Variants in EPB41L4B observed in about 807,000 individuals in gnomAD.
The protein encoded by EPB41L4B is erythrocyte membrane protein band 4.1 like 4B, also known as band 4.1-like protein 4B.
EPB41L4B carries 30 observed loss-of-function variants against 112.5 expected under a neutral mutation model. That is an observed-to-expected ratio of 0.27 (90% CI 0.20 to 0.36). The LOEUF is 0.36. Among genes scored for constraint, EPB41L4B ranks in the 10% least tolerant of loss-of-function variants. The probability of loss-of-function intolerance (pLI) is 1.00; values close to 1 mark genes in which losing one functional copy is unlikely to be tolerated. For synonymous variants in EPB41L4B, 408 were observed against 439.7 expected, an observed-to-expected ratio of 0.93 and a Z score of 0.90; for missense variants, 1,024 against 1,133.3, an observed-to-expected ratio of 0.90 and a Z score of 1.38.
rs752403352 is a variant in EPB41L4B at position 109,321,008 on chromosome 9, A to AGCCGCCGCC, written c.-571_-563dup. On this transcript the variant is annotated 5_prime_UTR_variant, in exon 1 of 26. Transcript: ENST00000374566. ...CTCCCACCTGGGAGGCTGCACCTCC[A>AGCCGCCGCC]GCCGCCGCCGCCGCCGCCGCCGCCG... The AGCCGCCGCC allele has an allele frequency of 1.4e-3, 257 of 181,300 alleles. 6 individuals carry two copies. Among genetic ancestry groups the AGCCGCCGCC allele is most frequent in the Middle Eastern group, 0.011 (4 of 378 alleles). 11.2% of individuals were successfully genotyped at this position (181,300 alleles called of 1,614,324 possible).
rs202244963 is a variant in EPB41L4B at position 109,255,490 on chromosome 9, G to A, written c.1169+21C>T. ...CCCTCCTTCAGAAGACGTGATCCGT[G>A]TTGCAGAAATGGCTCCCTACCTGAA... On this transcript the variant is annotated intron_variant, in intron 11 of 25. Coordinates refer to ENST00000374566, the MANE Select transcript of EPB41L4B (RefSeq NM_019114.5). The A allele has an allele frequency of 1.6e-5, 25 of 1,611,784 alleles. No homozygotes were observed. The East Asian group carries it at 4.9e-4, about 32-fold the overall frequency.
intron 1 of EPB41L4B, among the ~76,000 whole-genome samples, chr9:109,281,646 C>T (rs955211205): frequency 2.0e-5 from 3 of 151,950 alleles, no homozygotes; most frequent in Non-Finnish European, 4.4e-5. Context: ...GATTGTGCCA[C>T]TGCACTCAGC....
chr9:109,264,421 G>A (rs759806404), intron 5 of EPB41L4B, among the ~76,000 whole-genome samples: 31 of 152,134 alleles, frequency 2.0e-4, no homozygotes, highest in Non-Finnish European at 3.7e-4. Flanking sequence ...TTATCTTTAC[G>A]GTAAATTAAG....
chr9:109,318,180 T>C (rs931260491), intron 1 of EPB41L4B, among the ~76,000 whole-genome samples: 1 of 140,032 alleles, frequency 7.1e-6, no homozygotes, highest in Admixed American at 7.3e-5. Context: ...TGTGTGTGTG[T>C]GCACGCGCAT....
At position 109,281,726 on chromosome 9, in the gene EPB41L4B, T is replaced by TAAATA. The variant is rs1564317273; in HGVS notation, c.307-1806_307-1805insTATTT. The stretch of plus-strand genomic sequence containing the variant: ...TAAATAAATAAATAAATAAATAAAT[T>TAAATA]AATTAATTAATTTTAAAAAAGATCA... On this transcript the variant is annotated intron_variant, in intron 1 of 25. Coordinates refer to ENST00000374566, the MANE Select transcript of EPB41L4B (RefSeq NM_019114.5). Among the ~76,000 whole-genome samples the TAAATA allele has an allele frequency of 3.3e-3, 279 of 83,332 alleles. 1 individual carries two copies. Among genetic ancestry groups the TAAATA allele is most frequent in the Admixed American group, 4.1e-3 (34 of 8,290 alleles). The allele number at this position is 83,332 out of a possible 152,430, so 54.7% of individuals were successfully genotyped here.
intron 1 of EPB41L4B, among the ~76,000 whole-genome samples, chr9:109,293,531 C>T (rs1231795329): frequency 6.6e-6 from 1 of 151,476 alleles, no homozygotes; most frequent in Admixed American, 6.6e-5. Context: ...TACAGGCACC[C>T]GCCACCACGC....
At chr9:109,245,786 C>A (rs1173013542) in intron 14 of EPB41L4B, among the ~76,000 whole-genome samples, 1 of 152,192 alleles carries the variant, frequency 6.6e-6, no homozygotes, top group Non-Finnish European at 1.5e-5. Context: ...TATTCCCAAC[C>A]CTTGATAGAA....
At chr9:109,195,213 G>A (rs1378091707) in intron 20 of EPB41L4B, among the ~76,000 whole-genome samples, 1 of 152,188 alleles carries the variant, frequency 6.6e-6, no homozygotes, top group Non-Finnish European at 1.5e-5. Flanking sequence ...TTGCATAGGG[G>A]TTGTGATTTA....
chr9:109,305,015 T>C (rs1289536163), intron 1 of EPB41L4B, among the ~76,000 whole-genome samples: 3 of 152,068 alleles, frequency 2.0e-5, no homozygotes, highest in African/African-American at 7.2e-5. Context: ...CGATTTTGTG[T>C]CACGTATATT....
In EPB41L4B at chr9:109,173,348, C is replaced by T. The variant is rs1171421677; in HGVS notation, c.*1206G>A. 1 of 152,394 alleles carries T rather than the reference C, an allele frequency of 6.6e-6. No individual in the cohort carries two copies. Among genetic ancestry groups the T allele is most frequent in the African/African-American group, 2.4e-5 (1 of 41,380 alleles). The allele number at this position is 152,394 out of a possible 1,614,324, so 9.4% of individuals were successfully genotyped here. On this transcript the variant is annotated 3_prime_UTR_variant, in exon 26 of 26. Transcript: ENST00000374566. ...AACAAGAGCTATAAAATACTTCATGCTCTTTGACCTTGTAATCCCTCTTTG... is the reference window on the plus strand; with the variant it reads ...AACAAGAGCTATAAAATACTTCATGTTCTTTGACCTTGTAATCCCTCTTTG...
chr9:109,315,228 G>A (rs1837588435), intron 1 of EPB41L4B, among the ~76,000 whole-genome samples: 1 of 152,152 alleles, frequency 6.6e-6, no homozygotes, highest in South Asian at 2.1e-4. Context: ...GCATGGTGTA[G>A]CTGCCTCTGT....
chr9:109,317,991 G>C (rs902700112), intron 1 of EPB41L4B, among the ~76,000 whole-genome samples: 2 of 152,230 alleles, frequency 1.3e-5, no homozygotes, highest in Non-Finnish European at 2.9e-5. Flanking sequence ...GATCTGGGAA[G>C]ATTAGTGTAG....
intron 22 of EPB41L4B, among the ~76,000 whole-genome samples, chr9:109,189,675 C>A (rs1471574889): frequency 6.6e-6 from 1 of 152,134 alleles, no homozygotes; most frequent in Admixed American, 6.5e-5. Context: ...GTTGCCCAGG[C>A]TGGAATGCAA....
intron 14 of EPB41L4B, among the ~76,000 whole-genome samples, chr9:109,246,124 G>A (rs975246429): frequency 3.9e-5 from 6 of 152,174 alleles, no homozygotes; most frequent in South Asian, 4.1e-4. Flanking sequence ...AACCCTGGCC[G>A]GGCACGGTGG....
chr9:109,182,586 C>A, intron 24 of EPB41L4B, 143 bp downstream of exon 24: 1 of 677,724 alleles, frequency 1.5e-6, no homozygotes, highest in Admixed American at 2.4e-5. Flanking sequence ...AGGCAGACTG[C>A]AAATCCAAGT....
At position 109,226,626 on chromosome 9, in the gene EPB41L4B, A is replaced by ATATATATATG. The variant is rs1554750149; in HGVS notation, c.1410-9482_1410-9481insCATATATATA. 4.8e-4 allele frequency among the ~76,000 whole-genome samples: 64 copies of ATATATATATG among 132,246 alleles called. 4 individuals are homozygous for ATATATATATG. Among genetic ancestry groups the ATATATATATG allele is most frequent in the East Asian group, 1.9e-3 (9 of 4,698 alleles). The allele number at this position is 132,246 out of a possible 152,430, so 86.8% of individuals were successfully genotyped here. On this transcript the variant is annotated intron_variant, in intron 15 of 25. Coordinates refer to ENST00000374566, the MANE Select transcript of EPB41L4B (RefSeq NM_019114.5). ...ATTTTTCATATATATATATATATAT[A>ATATATATATG]TATGAAGAATATATATATATATGAA...
At chr9:109,294,701 TGTGTG>T (rs1836669774) in intron 1 of EPB41L4B, among the ~76,000 whole-genome samples, 1 of 151,956 alleles carries the variant, frequency 6.6e-6, no homozygotes, top group African/African-American at 2.4e-5. Context: ...TGTGTGTGTG[TGTGTG>T]TATAAGTATT....
intron 24 of EPB41L4B, among the ~76,000 whole-genome samples, chr9:109,179,087 T>G (rs1831956717): frequency 1.3e-5 from 2 of 152,084 alleles, no homozygotes; most frequent in South Asian, 4.1e-4. Context: ...AGAGCCAGAT[T>G]AGAAAGAAGC....
intron 17 of EPB41L4B, 86 bp from the exon 18 acceptor site, chr9:109,208,135 A>G: frequency 6.6e-7 from 1 of 1,521,948 alleles, no homozygotes; most frequent in Admixed American, 1.7e-5. Flanking sequence ...ATAACTGCAT[A>G]TAACACAGAC....
Sources: gnomAD v4.1 joint callset for allele counts (sites outside exome capture counted in the v4.1 genomes callset) on GRCh38, gnomAD v4.1.1 for gene constraint, MANE v1.5 for transcripts, NCBI Gene and HGNC (gene_info 2026-07-23, HGNC 2026-07-21) for gene names.